Variants in FRMD4B observed in about 807,000 individuals in gnomAD.
The protein encoded by FRMD4B is FERM domain containing 4B, also known as FERM domain-containing protein 4B.
In FRMD4B, 74 loss-of-function variants were observed where a neutral mutation model predicts 141.5. The observed-to-expected ratio is 0.52, with a 90% CI of 0.43 to 0.63. The LOEUF (loss-of-function observed/expected upper bound fraction) is 0.63. Ranked by LOEUF, FRMD4B falls within the 30% of genes least tolerant of loss-of-function variation. The pLI, the probability that FRMD4B is intolerant of heterozygous loss-of-function variation, is 0.00. For synonymous variants in FRMD4B, 506 were observed against 467.9 expected, an observed-to-expected ratio of 1.08 and a Z score of -1.05; for missense variants, 1,366 against 1,253.4, an observed-to-expected ratio of 1.09 and a Z score of -1.36.
intron 5 of FRMD4B, among the ~76,000 whole-genome samples, chr3:69,260,529 C>CT (rs1426824457): frequency 6.6e-6 from 1 of 152,230 alleles, no homozygotes; most frequent in Non-Finnish European, 1.5e-5. Flanking sequence ...GGCTTGGGAC[C>CT]TGCAGCCCGC....
At chr3:69,532,021 C>G (rs1002238220) in intron 1 of FRMD4B, among the ~76,000 whole-genome samples, 3 of 152,168 alleles carry the variant, frequency 2.0e-5, no homozygotes, top group African/African-American at 7.2e-5. Context: ...ATAGTTGGAG[C>G]AAATGACCAT....
intron 2 of FRMD4B, among the ~76,000 whole-genome samples, chr3:69,395,089 G>A (rs1289849308): frequency 6.6e-6 from 1 of 151,958 alleles, no homozygotes; most frequent in Non-Finnish European, 1.5e-5. Context: ...CCTAGATGAC[G>A]GGTTGATAGG....
intron 1 of FRMD4B, among the ~76,000 whole-genome samples, chr3:69,441,390 C>T (rs1411871047): frequency 6.6e-6 from 1 of 151,990 alleles, no homozygotes; most frequent in African/African-American, 2.4e-5. Context: ...AATCTTGTTC[C>T]CCAGATATGC....
At chr3:69,443,050 G>A (rs1705363747) in intron 1 of FRMD4B, among the ~76,000 whole-genome samples, 2 of 152,294 alleles carry the variant, frequency 1.3e-5, no homozygotes, top group Non-Finnish European at 1.5e-5. Flanking sequence ...ATGTTAATGA[G>A]ATGGCTGGGG....
upstream of FRMD4B, among the ~76,000 whole-genome samples, chr3:69,387,401 C>A (rs1043155552): frequency 3.9e-5 from 6 of 152,122 alleles, no homozygotes; most frequent in Admixed American, 3.3e-4. Flanking sequence ...ACAGACATGA[C>A]CCATTGTGCC....
At chr3:69,252,002 GA>G (rs1280840977) in intron 5 of FRMD4B, among the ~76,000 whole-genome samples, 2 of 152,132 alleles carry the variant, frequency 1.3e-5, no homozygotes, top group Admixed American at 6.6e-5. Context: ...TCTTAGAGAA[GA>G]AAAAATTACT....
intron 21 of FRMD4B, among the ~76,000 whole-genome samples, chr3:69,180,272 C>CAAAAAAAAAAAAAAA (rs2092691927): frequency 7.3e-6 from 1 of 136,906 alleles, no homozygotes; most frequent in Non-Finnish European, 1.5e-5. Flanking sequence ...AAAAAAAAAG[C>CAAAAAAAAAAAAAAA]AAATTACTTA....
At chr3:69,385,593 A>G (rs2106702193) in intron 1 of FRMD4B, among the ~76,000 whole-genome samples, 2 of 152,292 alleles carry the variant, frequency 1.3e-5, no homozygotes, top group South Asian at 4.1e-4. Context: ...TCTGTAACAG[A>G]TGTCTGCAAA....
intron 2 of FRMD4B, among the ~76,000 whole-genome samples, chr3:69,395,963 T>G (rs1186685176): frequency 6.6e-6 from 1 of 152,212 alleles, no homozygotes; most frequent in African/African-American, 2.4e-5. Flanking sequence ...AAGGTAGACT[T>G]CCTCACCCTA....
intron 1 of FRMD4B, among the ~76,000 whole-genome samples, chr3:69,360,967 T>C (rs1012157087): frequency 6.6e-6 from 1 of 152,198 alleles, no homozygotes; most frequent in Non-Finnish European, 1.5e-5. Flanking sequence ...TTTTTCCTTA[T>C]CTATTAATTG....
chr3:69,390,296 C>G (rs1220783544), upstream of FRMD4B, among the ~76,000 whole-genome samples: 2 of 152,158 alleles, frequency 1.3e-5, no homozygotes, highest in Non-Finnish European at 2.9e-5. Context: ...ACCTGAAAAA[C>G]TAGTGTGGGT....
At position 69,181,331 on chromosome 3, in the gene FRMD4B, C is replaced by T; in HGVS notation, c.2419G>A (p.Ala807Thr). ...QEPPSSSYYI[A>T]GYTPYAECDF... ...CACTCTGCATAGGGTGTGTACCCGG[C>T]AATGTAGTAACTGGAAGACGGTGGC... Residue 807 changes from alanine to threonine, a missense_variant, in exon 21 of 23, where the codon GCC becomes ACC. Ala to Thr is a moderately conservative substitution (Grantham distance 58). Coordinates refer to ENST00000398540, the MANE Select transcript of FRMD4B (RefSeq NM_015123.3). 5.0e-6 allele frequency: 8 copies of T among 1,613,894 alleles called. No homozygotes were observed. The highest frequency in any genetic ancestry group is 6.8e-6 in the Non-Finnish European group (8 of 1,179,828).
intron 7 of FRMD4B, among the ~76,000 whole-genome samples, chr3:69,241,692 G>T (rs377287466): frequency 5.9e-5 from 9 of 152,148 alleles, no homozygotes; most frequent in Non-Finnish European, 1.2e-4. Flanking sequence ...AGATTCAGGC[G>T]CTTGAGACCA....
chr3:69,347,536 T>C (rs1163433371), intron 1 of FRMD4B, among the ~76,000 whole-genome samples: 1 of 152,220 alleles, frequency 6.6e-6, no homozygotes, highest in African/African-American at 2.4e-5. Context: ...TACATTCTTC[T>C]CAGCACCACA....
rs1027147049 is a variant in FRMD4B, at chr3:69,194,895, C to T, written c.1488+127G>A. On this transcript the variant is annotated intron_variant, in intron 16 of 22. Transcript: ENST00000398540. ...GAAAGAAAGAGTTCAATTTGGTCTA[C>T]ACGATCCATCTGTACTGGTGAGATA... is the stretch of plus-strand genomic sequence containing the variant. 10 of 778,370 alleles carry T rather than the reference C, an allele frequency of 1.3e-5. No homozygotes were observed. In the African/African-American group the frequency reaches 1.4e-4, roughly 11 times the overall value. 48.2% of individuals were successfully genotyped at this position (778,370 alleles called of 1,614,324 possible).
chr3:69,290,964 A>C, intron 4 of FRMD4B, among the ~76,000 whole-genome samples: 1 of 152,234 alleles, frequency 6.6e-6, no homozygotes, highest in East Asian at 1.9e-4. Context: ...CCATGTAAAA[A>C]ATAGCAGAAA....
At chr3:69,394,889 A>G (rs907266453) in intron 2 of FRMD4B, among the ~76,000 whole-genome samples, 9 of 152,194 alleles carry the variant, frequency 5.9e-5, no homozygotes, top group African/African-American at 2.2e-4. Context: ...GCTGGAAGCC[A>G]TCATTCTCAG....
chr3:69,331,905 T>C (rs377021399), intron 1 of FRMD4B, among the ~76,000 whole-genome samples: 3 of 152,102 alleles, frequency 2.0e-5, no homozygotes, highest in South Asian at 4.1e-4. Context: ...CTGGCCAAGA[T>C]GGTGAAACCC....
chr3:69,216,163 CA>C, intron 11 of FRMD4B, 99 bp downstream of exon 11: 3 of 686,998 alleles, frequency 4.4e-6, no homozygotes, highest in Non-Finnish European at 2.5e-6. Context: ...CAAAAAAAAC[CA>C]AAAAAACCCC....
Sources: gnomAD v4.1 joint callset for allele counts (sites outside exome capture counted in the v4.1 genomes callset) on GRCh38, gnomAD v4.1.1 for gene constraint, MANE v1.5 for transcripts, NCBI Gene and HGNC (gene_info 2026-07-23, HGNC 2026-07-21) for gene names.